Variants in ANGPT1 observed in about 807,000 individuals in gnomAD.
ANGPT1 encodes angiopoietin 1.
Under a neutral mutation model 62.2 loss-of-function variants are expected in ANGPT1, and 17 were observed. That is an observed-to-expected ratio of 0.27 (90% CI 0.19 to 0.41). The LOEUF is 0.41. ANGPT1 is among the 10% of genes least tolerant of loss of function. ANGPT1 has a pLI of 1.00. For synonymous variants in ANGPT1, 199 were observed against 198.9 expected (o/e 1.00, Z 0.00); for missense variants, 478 against 594.9 (o/e 0.80, Z 2.04).
intron 1 of ANGPT1, among the ~76,000 whole-genome samples, chr8:107,354,134 C>T (rs1049057837): frequency 6.6e-6 from 1 of 152,020 alleles, no homozygotes; most frequent in Non-Finnish European, 1.5e-5. Flanking sequence ...GGGCCAGGAC[C>T]CAGGAAAGTC....
chr8:107,468,037 A>G (rs1203748096), intron 1 of ANGPT1, among the ~76,000 whole-genome samples: 1 of 152,094 alleles, frequency 6.6e-6, no homozygotes, highest in African/African-American at 2.4e-5. Context: ...AGAAAGACCT[A>G]TTCTTTCCAG....
intron 8 of ANGPT1, among the ~76,000 whole-genome samples, chr8:107,263,407 A>AAACAAACT (rs1813542558): frequency 6.6e-6 from 1 of 151,858 alleles, no homozygotes; most frequent in Non-Finnish European, 1.5e-5. Context: ...CATAAAATTA[A>AAACAAACT]AACAAACTAA....
intron 1 of ANGPT1, among the ~76,000 whole-genome samples, chr8:107,457,396 C>T (rs374653686): frequency 3.3e-5 from 5 of 151,994 alleles, no homozygotes; most frequent in African/African-American, 1.2e-4. Context: ...AGTCAACCAA[C>T]TAACCAAGCT....
intron 4 of ANGPT1, among the ~76,000 whole-genome samples, chr8:107,318,736 A>C (rs755923758): frequency 3.1e-4 from 47 of 151,944 alleles, no homozygotes; most frequent in Non-Finnish European, 5.7e-4. Context: ...ATATTTTTGG[A>C]GTAAAACGTG....
At chr8:107,388,293 C>T (rs1008598325) in intron 1 of ANGPT1, among the ~76,000 whole-genome samples, 4 of 152,088 alleles carry the variant, frequency 2.6e-5, no homozygotes, top group East Asian at 3.9e-4. Flanking sequence ...CATGTACCTA[C>T]GGTCCTAGCT....
At chr8:107,288,982 A>G (rs553212725) in intron 6 of ANGPT1, among the ~76,000 whole-genome samples, 1 of 152,296 alleles carries the variant, frequency 6.6e-6, no homozygotes, top group East Asian at 1.9e-4. Flanking sequence ...ATATTGAAAA[A>G]GCAGCAACGA....
At chr8:107,364,086 T>C (rs1292664433) in intron 1 of ANGPT1, among the ~76,000 whole-genome samples, 1 of 152,164 alleles carries the variant, frequency 6.6e-6, no homozygotes, top group Admixed American at 6.5e-5. Flanking sequence ...TCCTATTGCA[T>C]TTTAATGTAA....
chr8:107,289,869 C>A (rs1457408234), intron 6 of ANGPT1, among the ~76,000 whole-genome samples: 1 of 152,064 alleles, frequency 6.6e-6, no homozygotes, highest in Non-Finnish European at 1.5e-5. Flanking sequence ...GAACTCCTAG[C>A]CTCATTGCGT....
intron 1 of ANGPT1, among the ~76,000 whole-genome samples, chr8:107,444,877 A>G (rs933922125): frequency 6.6e-6 from 1 of 152,204 alleles, no homozygotes; most frequent in Non-Finnish European, 1.5e-5. Context: ...AGACCAAACA[A>G]CAAACCAAAA....
At chr8:107,444,303 A>G (rs3847160) in intron 1 of ANGPT1, among the ~76,000 whole-genome samples, 47,515 of 152,082 alleles carry the variant, frequency 0.31, 8,124 homozygotes, top group Middle Eastern at 0.47. Context: ...ATTTCTGAGC[A>G]TCATTATCTC....
intron 7 of ANGPT1, among the ~76,000 whole-genome samples, chr8:107,275,406 C>T (rs1401078013): frequency 6.6e-6 from 1 of 152,062 alleles, no homozygotes; most frequent in Non-Finnish European, 1.5e-5. Context: ...CCTCTTCTAC[C>T]CCCATCTCTG....
intron 1 of ANGPT1, among the ~76,000 whole-genome samples, chr8:107,475,386 T>C (rs1812490609): frequency 6.6e-6 from 1 of 152,272 alleles, no homozygotes; most frequent in Admixed American, 6.5e-5. Context: ...TAGCCATATG[T>C]AGAAAGCTGA....
At chr8:107,264,943 C>T (rs984182179) in intron 7 of ANGPT1, among the ~76,000 whole-genome samples, 1 of 152,142 alleles carries the variant, frequency 6.6e-6, no homozygotes, top group African/African-American at 2.4e-5. Context: ...TTATGCATTC[C>T]CTGGACAAAT....
intron 1 of ANGPT1, among the ~76,000 whole-genome samples, chr8:107,451,160 A>G (rs997610930): frequency 1.3e-5 from 2 of 151,918 alleles, no homozygotes; most frequent in African/African-American, 4.8e-5. Context: ...AATTTGCATT[A>G]ACTCTTTCCT....
At chr8:107,262,156 T>C (rs532471370) in intron 8 of ANGPT1, among the ~76,000 whole-genome samples, 6 of 151,462 alleles carry the variant, frequency 4.0e-5, no homozygotes, top group East Asian at 2.0e-4. Context: ...GATTGCGCCA[T>C]TGCACTCCAG....
At chr8:107,316,958 C>CT (rs1815028049) in intron 4 of ANGPT1, among the ~76,000 whole-genome samples, 1 of 152,158 alleles carries the variant, frequency 6.6e-6, no homozygotes, top group Non-Finnish European at 1.5e-5. Context: ...GACATGGTAA[C>CT]TCCCTCATGT....
At chr8:107,403,373 C>T (rs781749802) in intron 1 of ANGPT1, among the ~76,000 whole-genome samples, 3 of 152,044 alleles carry the variant, frequency 2.0e-5, no homozygotes, top group African/African-American at 7.2e-5. Context: ...AAACTGAGAA[C>T]GTGAATAACT....
chr8:107,258,580 A>G (rs1276002361), intron 8 of ANGPT1, among the ~76,000 whole-genome samples: 1 of 152,204 alleles, frequency 6.6e-6, no homozygotes, highest in Non-Finnish European at 1.5e-5. Flanking sequence ...AAACTTATAA[A>G]AGACATTTTC....
At chr8:107,422,430 G>A (rs4571710) in intron 1 of ANGPT1, among the ~76,000 whole-genome samples, 44,315 of 152,066 alleles carry the variant, frequency 0.29, 7,640 homozygotes, top group Middle Eastern at 0.46. Flanking sequence ...AGTGTTCACA[G>A]AATAACTTTC....
Sources: gnomAD v4.1 joint callset for allele counts (sites outside exome capture counted in the v4.1 genomes callset) on GRCh38, gnomAD v4.1.1 for gene constraint, MANE v1.5 for transcripts, NCBI Gene and HGNC (gene_info 2026-07-23, HGNC 2026-07-21) for gene names.